GHR: variants seen among roughly 807,000 people sequenced by gnomAD.
GHR encodes the protein growth hormone receptor, also known as GH receptor.
GHR carries 35 observed loss-of-function variants against 67.1 expected under a neutral mutation model. That is an observed-to-expected ratio of 0.52 (90% CI 0.40 to 0.69). GHR has a LOEUF of 0.69. GHR is among the 30% of genes least tolerant of loss of function. GHR has a pLI of 0.00. For missense variants in GHR, 792 were observed against 764.6 expected, an observed-to-expected ratio of 1.04 and a Z score of -0.42; for synonymous variants, 272 against 269.1, an observed-to-expected ratio of 1.01 and a Z score of -0.10.
chr5:42,618,180 A>G (rs1392124111), intron 2 of GHR, among the ~76,000 whole-genome samples: 1 of 152,040 alleles, frequency 6.6e-6, no homozygotes, highest in East Asian at 1.9e-4. Context: ...ATCCATCTAC[A>G]TTTGCTTGCT....
At chr5:42,547,337 G>C (rs187520296) in intron 1 of GHR, among the ~76,000 whole-genome samples, 1 of 152,238 alleles carries the variant, frequency 6.6e-6, no homozygotes, top group African/African-American at 2.4e-5. Context: ...AGGACTGTTG[G>C]TCACACACAG....
rs1462367540 is a variant in GHR, at chr5:42,713,426, C to T, written c.785-3C>T. 2.3e-6 allele frequency: 3 copies of T among 1,283,908 alleles called. No homozygotes were observed. The highest frequency in any genetic ancestry group is 3.4e-6 in the Non-Finnish European group (3 of 881,736). 79.5% of individuals were successfully genotyped at this position (1,283,908 alleles called of 1,614,324 possible). Reference sequence around the variant, plus strand: ...GAAAGCGAAATATTCTTGTGTGTTTCAGATTTCTACTTTCCATGGCTCTTA... The same window carrying T: ...GAAAGCGAAATATTCTTGTGTGTTTTAGATTTCTACTTTCCATGGCTCTTA... On this transcript the variant is annotated splice_polypyrimidine_tract_variant and splice_region_variant and intron_variant, in intron 7 of 9. Transcript: ENST00000230882.
chr5:42,594,794 T>A (rs890803123), intron 2 of GHR, among the ~76,000 whole-genome samples: 13 of 152,194 alleles, frequency 8.5e-5, no homozygotes, highest in African/African-American at 3.1e-4. Flanking sequence ...GTTTTGTTAT[T>A]GATACTTACT....
intron 1 of GHR, among the ~76,000 whole-genome samples, chr5:42,539,998 GT>G (rs1748430958): frequency 6.6e-6 from 1 of 152,086 alleles, no homozygotes; most frequent in Non-Finnish European, 1.5e-5. Context: ...TCTATTTCTA[GT>G]TTATTAAGAC....
chr5:42,713,145 CA>C (rs2111829886), intron 7 of GHR, among the ~76,000 whole-genome samples: 1 of 152,102 alleles, frequency 6.6e-6, no homozygotes, highest in East Asian at 1.9e-4. Flanking sequence ...ATGCTTAAAG[CA>C]GATTGTTTGT....
At chr5:42,709,803 A>T (rs569615738) in intron 6 of GHR, among the ~76,000 whole-genome samples, 1 of 152,276 alleles carries the variant, frequency 6.6e-6, no homozygotes, top group East Asian at 1.9e-4. Context: ...TTAGACTTGG[A>T]TGAGAAACAG....
chr5:42,699,898 C>A lies in GHR; in HGVS notation c.514C>A (p.Gln172Lys). The A allele has an allele frequency of 6.2e-7, 1 of 1,603,342 alleles. No homozygotes were observed. Among genetic ancestry groups the A allele is most frequent in the Non-Finnish European group, 8.5e-7 (1 of 1,170,238 alleles). ...TTTAACTGGGATTCATGCAGATATC[C>A]AAGTGAGATGGGAAGCACCACGCAA... ...VSLTGIHADI[Q>K]VRWEAPRNAD... The change falls in exon 6 of 10, where the codon CAA becomes AAA. Residue 172 changes from glutamine to lysine, a missense_variant. Transcript: ENST00000230882.
chr5:42,542,626 T>A (rs1024697518), intron 1 of GHR, among the ~76,000 whole-genome samples: 25 of 152,184 alleles, frequency 1.6e-4, no homozygotes, highest in Non-Finnish European at 4.4e-5. Context: ...TTCAAAATTT[T>A]ATACATGTAT....
At chr5:42,471,340 T>A (rs1745003101) in intron 1 of GHR, among the ~76,000 whole-genome samples, 1 of 152,190 alleles carries the variant, frequency 6.6e-6, no homozygotes, top group Non-Finnish European at 1.5e-5. Flanking sequence ...TTTGAGTGAT[T>A]TGTCCTTTGG....
At chr5:42,518,154 A>G (rs1454414937) in intron 1 of GHR, among the ~76,000 whole-genome samples, 1 of 148,698 alleles carries the variant, frequency 6.7e-6, no homozygotes, top group Non-Finnish European at 1.5e-5. Flanking sequence ...ATATTATTAT[A>G]TAATATAGTA....
At chr5:42,647,820 G>T in intron 3 of GHR, 1 of 315,804 alleles carries the variant, frequency 3.2e-6, no homozygotes, top group Non-Finnish European at 6.2e-6. Flanking sequence ...ATGTCTATTT[G>T]AAAATTTTGT....
intron 3 of GHR, among the ~76,000 whole-genome samples, chr5:42,656,037 T>C (rs1755238065): frequency 6.6e-6 from 1 of 152,172 alleles, no homozygotes; most frequent in African/African-American, 2.4e-5. Context: ...ATTAGTTAAA[T>C]CAATTTTAAA....
intron 1 of GHR, among the ~76,000 whole-genome samples, chr5:42,499,453 A>T (rs1746447477): frequency 6.6e-6 from 1 of 152,142 alleles, no homozygotes; most frequent in South Asian, 2.1e-4. Flanking sequence ...GGTTTCCAAA[A>T]TGTGAACACT....
At chr5:42,687,292 C>A (rs1757206681) in intron 3 of GHR, among the ~76,000 whole-genome samples, 3 of 152,142 alleles carry the variant, frequency 2.0e-5, no homozygotes, top group Admixed American at 6.5e-5. Flanking sequence ...CTACCATTGA[C>A]TTTCTTCACA....
chr5:42,673,509 C>T (rs1756421755), intron 3 of GHR, among the ~76,000 whole-genome samples: 1 of 152,120 alleles, frequency 6.6e-6, no homozygotes. Context: ...ATAGCAAAGA[C>T]ATGGAATCAA....
intron 3 of GHR, among the ~76,000 whole-genome samples, chr5:42,672,142 G>A (rs1756347923): frequency 6.6e-6 from 1 of 152,028 alleles, no homozygotes; most frequent in Non-Finnish European, 1.5e-5. Flanking sequence ...GTGCTAGCCA[G>A]AGCAATCAGG....
At chr5:42,718,325 G>GTT (rs3834253) in intron 9 of GHR, 128 bp from the exon 10 acceptor site, 333,169 of 765,190 alleles carry the variant, frequency 0.44, 74,395 homozygotes, top group East Asian at 0.57. Flanking sequence ...ACTAATTTAT[G>GTT]TTTTTTTATA....
intron 2 of GHR, among the ~76,000 whole-genome samples, chr5:42,573,978 T>C (rs1415797561): frequency 6.6e-6 from 1 of 152,238 alleles, no homozygotes; most frequent in Non-Finnish European, 1.5e-5. Flanking sequence ...GACTTGATGA[T>C]GTTTGCCACA....
intron 1 of GHR, among the ~76,000 whole-genome samples, chr5:42,504,933 C>T (rs75736562): frequency 0.019 from 2,899 of 152,232 alleles, 157 homozygotes; most frequent in East Asian, 0.13. Flanking sequence ...AGAGAGGCAT[C>T]AGCTAGCCCT....
Sources: gnomAD v4.1 joint callset for allele counts (sites outside exome capture counted in the v4.1 genomes callset) on GRCh38, gnomAD v4.1.1 for gene constraint, MANE v1.5 for transcripts, NCBI Gene and HGNC (gene_info 2026-07-23, HGNC 2026-07-21) for gene names.